The following PCDHA7 variants were observed in gnomAD, a reference collection of about 807,000 sequenced individuals.
PCDHA7 encodes the protein protocadherin alpha-7.
PCDHA7 carries 37 observed loss-of-function variants against 57.2 expected under a neutral mutation model. The ratio of observed to expected loss-of-function variants is 0.65; its 90% CI spans 0.50 to 0.85. The LOEUF (loss-of-function observed/expected upper bound fraction) is 0.85. Among genes scored for constraint, PCDHA7 ranks in the 40% least tolerant of loss-of-function variants. The pLI, the probability that PCDHA7 is intolerant of heterozygous loss-of-function variation, is 0.00. For synonymous variants in PCDHA7, 553 were observed against 558.8 expected (o/e 0.99, Z 0.15); for missense variants, 1,188 against 1,241.8 (o/e 0.96, Z 0.65).
At chr5:140,877,137 G>A in intron 1 of PCDHA7, 1 of 1,613,796 alleles carries the variant, frequency 6.2e-7, no homozygotes. Context: ...AGGTGTTCGT[G>A]CTGGACGAGA....
chr5:140,870,766 C>T, intron 1 of PCDHA7: 1 of 1,613,562 alleles, frequency 6.2e-7, no homozygotes, highest in Non-Finnish European at 8.5e-7. Context: ...GGTGTTCGTG[C>T]TGGACGAGAA....
At chr5:140,883,021 G>A in intron 1 of PCDHA7, 1 of 1,614,136 alleles carries the variant, frequency 6.2e-7, no homozygotes, top group Non-Finnish European at 8.5e-7. Flanking sequence ...AAGTGACGGT[G>A]TTAGAGAACG....
chr5:140,870,485 T>C lies in PCDHA7; in HGVS notation c.2355+33747T>C, dbSNP rs1388283363. 1 of 1,614,118 alleles carries C rather than the reference T, an allele frequency of 6.2e-7. No homozygotes were observed. Among genetic ancestry groups the C allele is most frequent in the South Asian group, 1.1e-5 (1 of 91,094 alleles). On this transcript the variant is annotated intron_variant, in intron 1 of 3. Coordinates refer to ENST00000525929, the MANE Select transcript of PCDHA7 (RefSeq NM_018910.3). The stretch of plus-strand genomic sequence containing the variant: ...GCGTTCGCACAGCCCGAGTACACCG[T>C]GTTCGTGAAGGAGAACAACCCACCA...
chr5:140,968,383 T>C, intron 1 of PCDHA7: 1 of 1,614,044 alleles, frequency 6.2e-7, no homozygotes. Context: ...CCTTTGACTA[T>C]GAGAAGTTTC....
intron 1 of PCDHA7, among the ~76,000 whole-genome samples, chr5:140,838,247 G>A (rs1775616810): frequency 1.3e-5 from 2 of 149,910 alleles, no homozygotes; most frequent in African/African-American, 4.9e-5. Context: ...CCAAGTAGCT[G>A]GGATTAAAGA....
intron 1 of PCDHA7, chr5:140,851,006 T>G (rs2041921883): frequency 7.0e-7 from 1 of 1,437,372 alleles, no homozygotes; most frequent in Non-Finnish European, 9.2e-7. Flanking sequence ...TCCAGCAGAT[T>G]TTTTTTCTGA....
intron 1 of PCDHA7, among the ~76,000 whole-genome samples, chr5:140,941,250 T>TCCTTCCTTC (rs1441496906): frequency 7.2e-6 from 1 of 139,474 alleles, no homozygotes; most frequent in East Asian, 2.1e-4. Context: ...TTTCTTTCTT[T>TCCTTCCTTC]CTTTCTCTTT....
At chr5:140,869,764 G>A (rs1554163420) in intron 1 of PCDHA7, 4 of 1,613,244 alleles carry the variant, frequency 2.5e-6, no homozygotes, top group East Asian at 4.5e-5. Context: ...GGGAAAACCA[G>A]AGCTTACTGG....
rs547015879 is a variant in PCDHA7 at position 140,902,341 on chromosome 5, G to A, written c.2355+65603G>A. 1.8e-3 allele frequency among the ~76,000 whole-genome samples: 276 copies of A among 151,446 alleles called. 1 individual carries two copies. The highest frequency in any genetic ancestry group is 3.7e-3 in the Non-Finnish European group (250 of 67,812). The stretch of plus-strand genomic sequence containing the variant: ...GTGTAACTCACTTCGCCTGGCCTAG[G>A]AAGCCCTTTATTTCTTTCTCTTGTC... On this transcript the variant is annotated intron_variant, in intron 1 of 3. Transcript: ENST00000525929.
chr5:141,001,488 ATGCTAGCCCAGGT>A (rs1261759985), intron 3 of PCDHA7, among the ~76,000 whole-genome samples: 3 of 152,210 alleles, frequency 2.0e-5, no homozygotes, highest in Non-Finnish European at 4.4e-5. Flanking sequence ...AGTGCTGGAA[ATGCTAGCCCAGGT>A]GGGCTTAGCT....
At chr5:140,883,106 T>C (rs782515785) in intron 1 of PCDHA7, 3 of 1,614,124 alleles carry the variant, frequency 1.9e-6, no homozygotes, top group Non-Finnish European at 2.5e-6. Context: ...TATAGTTTAC[T>C]CATTTAGAAG....
At position 140,849,922 on chromosome 5, in the gene PCDHA7, C is replaced by A. The variant is rs140735832; in HGVS notation, c.2355+13184C>A. The stretch of plus-strand genomic sequence containing the variant: ...AACCCGCCGGGCTGCCACATCTTCA[C>A]GGTGTCTGCGCGGGACGCTGACGCG... On this transcript the variant is annotated intron_variant, in intron 1 of 3. Transcript: ENST00000525929. 10 of 1,598,214 alleles carry A rather than the reference C, an allele frequency of 6.3e-6. 1 individual carries two copies. In the South Asian group the frequency reaches 9.9e-5, roughly 16 times the overall value.
Position 140,870,243 on chromosome 5 carries a change from C to A in PCDHA7, c.2355+33505C>A, listed in dbSNP as rs782592982. 3.1e-6 allele frequency: 5 copies of A among 1,614,176 alleles called. No homozygotes were observed. The East Asian group carries it at 6.7e-5, about 22-fold the overall frequency. On this transcript the variant is annotated intron_variant, in intron 1 of 3. Transcript: ENST00000525929. Reference sequence around the variant, plus strand: ...GCGTGTCTGACCGTGACTCAGGTGTCAACGGACAGGTGACCTGCTCGCTGA... The same window carrying A: ...GCGTGTCTGACCGTGACTCAGGTGTAAACGGACAGGTGACCTGCTCGCTGA...
intron 1 of PCDHA7, among the ~76,000 whole-genome samples, chr5:140,911,895 T>C (rs1289494210): frequency 1.3e-5 from 2 of 152,184 alleles, no homozygotes; most frequent in East Asian, 3.8e-4. Flanking sequence ...AAAATCTGTA[T>C]TAGTCAGAGC....
At chr5:140,921,198 A>T (rs1298623554) in intron 1 of PCDHA7, among the ~76,000 whole-genome samples, 2 of 152,076 alleles carry the variant, frequency 1.3e-5, no homozygotes, top group African/African-American at 4.8e-5. Flanking sequence ...CAATAGATTG[A>T]CAACGATAAT....
At chr5:140,967,783 C>T (rs1554229939) in intron 1 of PCDHA7, 1 of 1,614,186 alleles carries the variant, frequency 6.2e-7, no homozygotes, top group Admixed American at 1.7e-5. Flanking sequence ...AGGCGACTGA[C>T]CGGGGTCCAG....
chr5:140,899,674 T>A (rs2067476984), intron 1 of PCDHA7, among the ~76,000 whole-genome samples: 1 of 152,220 alleles, frequency 6.6e-6, no homozygotes, highest in African/African-American at 2.4e-5. Flanking sequence ...GGCTTTGGTA[T>A]CAGGATGATG....
intron 3 of PCDHA7, among the ~76,000 whole-genome samples, chr5:141,000,648 G>A (rs559996046): frequency 8.9e-4 from 134 of 150,894 alleles, no homozygotes; most frequent in African/African-American, 2.6e-3. Flanking sequence ...GGCTGGTCTC[G>A]AACTCCTGAC....
chr5:140,906,486 A>C (rs2072686991), intron 1 of PCDHA7, among the ~76,000 whole-genome samples: 1 of 152,270 alleles, frequency 6.6e-6, no homozygotes, highest in East Asian at 1.9e-4. Context: ...GTATAAATGC[A>C]CAAACATGTT....
Sources: allele counts gnomAD v4.1 joint callset (sites outside exome capture counted in the v4.1 genomes callset), GRCh38; gene constraint gnomAD v4.1.1; transcripts MANE v1.5; gene names NCBI Gene and HGNC (gene_info 2026-07-23, HGNC 2026-07-21).